SEPTIN7: variants seen among roughly 807,000 people sequenced by gnomAD.
SEPTIN7 encodes septin 7.
In SEPTIN7, 10 loss-of-function variants were observed where a neutral mutation model predicts 63.3. The ratio of observed to expected loss-of-function variants is 0.16; its 90% CI spans 0.10 to 0.27. The LOEUF is 0.27. Among genes scored for constraint, SEPTIN7 ranks in the 10% least tolerant of loss-of-function variants. The pLI, the probability that SEPTIN7 is intolerant of heterozygous loss-of-function variation, is 1.00. For synonymous variants in SEPTIN7, 131 were observed against 165.3 expected (o/e 0.79, Z 1.59); for missense variants, 310 against 521.0 (o/e 0.59, Z 3.94).
chr7:35,850,968 C>G (rs546707629), intron 3 of SEPTIN7, among the ~76,000 whole-genome samples: 5 of 152,238 alleles, frequency 3.3e-5, no homozygotes, highest in African/African-American at 1.2e-4. Flanking sequence ...CAGGACTTCT[C>G]AGATTCTTTT....
chr7:35,879,781 C>A, intron 6 of SEPTIN7, 42 bp from the exon 7 acceptor site: 1 of 1,116,594 alleles, frequency 9.0e-7, no homozygotes, highest in Non-Finnish European at 1.3e-6. Flanking sequence ...CTTGTTCTCC[C>A]AAACTGATCA....
intron 1 of SEPTIN7, among the ~76,000 whole-genome samples, chr7:35,814,832 G>A (rs1409276585): frequency 3.3e-5 from 5 of 151,952 alleles, no homozygotes; most frequent in African/African-American, 7.3e-5. Context: ...AGAATTAGCC[G>A]GGCATGGTAG....
At chr7:35,859,016 T>C (rs1340541147) in intron 3 of SEPTIN7, among the ~76,000 whole-genome samples, 1 of 152,176 alleles carries the variant, frequency 6.6e-6, no homozygotes, top group Non-Finnish European at 1.5e-5. Context: ...TTATCTCCGC[T>C]CTAATCTTTG....
chr7:35,872,156 A>G (rs534357367), intron 4 of SEPTIN7, among the ~76,000 whole-genome samples: 1 of 152,294 alleles, frequency 6.6e-6, no homozygotes, highest in East Asian at 1.9e-4. Flanking sequence ...ATGCTGAGAA[A>G]GATTAAGGAA....
intron 1 of SEPTIN7, among the ~76,000 whole-genome samples, chr7:35,827,743 G>A (rs1220458779): frequency 4.6e-5 from 7 of 152,062 alleles, no homozygotes; most frequent in Admixed American, 1.3e-4. Context: ...TGCCTGCCTC[G>A]GTCTCCCAAA....
Position 35,906,745 on chromosome 7 carries a change from A to G in SEPTIN7, c.*2452A>G, listed in dbSNP as rs541741913. ...AATCTTGAAAGCTGAGGAGATACCC[A>G]TGCCTCTCAGACTCATTAGCTGGGT... On this transcript the variant is annotated 3_prime_UTR_variant, in exon 14 of 14. Transcript: ENST00000350320. The G allele has an allele frequency of 1.3e-5, 2 of 152,216 alleles. No individual in the cohort carries two copies. Among genetic ancestry groups the G allele is most frequent in the African/African-American group, 4.8e-5 (2 of 41,446 alleles). The allele number at this position is 152,216 out of a possible 1,614,324, so 9.4% of individuals were successfully genotyped here.
chr7:35,892,276 T>C (rs1373603730), intron 11 of SEPTIN7, among the ~76,000 whole-genome samples: 1 of 152,156 alleles, frequency 6.6e-6, no homozygotes, highest in Non-Finnish European at 1.5e-5. Context: ...TTCTTAAATA[T>C]TTAAAATACA....
intron 3 of SEPTIN7, among the ~76,000 whole-genome samples, chr7:35,838,168 A>G (rs539817231): frequency 1.3e-5 from 2 of 151,894 alleles, no homozygotes; most frequent in Admixed American, 1.3e-4. Flanking sequence ...GTTGGTAGGC[A>G]TTGACATTTT....
At chr7:35,875,770 T>TATACATAC (rs144950029) in intron 6 of SEPTIN7, among the ~76,000 whole-genome samples, 2 of 152,066 alleles carry the variant, frequency 1.3e-5, no homozygotes, top group East Asian at 1.9e-4. Context: ...TTTTTTCTCT[T>TATACATAC]ATACATACAT....
chr7:35,869,735 T>C (rs1486856060), intron 4 of SEPTIN7, among the ~76,000 whole-genome samples: 3 of 152,172 alleles, frequency 2.0e-5, no homozygotes, highest in Non-Finnish European at 4.4e-5. Flanking sequence ...TATTAGAAAA[T>C]GAGTACCTTG....
At chr7:35,889,106 A>G (rs561947577) in intron 10 of SEPTIN7, among the ~76,000 whole-genome samples, 3 of 152,198 alleles carry the variant, frequency 2.0e-5, no homozygotes, top group Admixed American at 1.3e-4. Context: ...ATGAATGACA[A>G]CCAAGGAGGA....
chr7:35,829,959 G>A (rs534380271), intron 1 of SEPTIN7, among the ~76,000 whole-genome samples: 9 of 152,204 alleles, frequency 5.9e-5, no homozygotes, highest in South Asian at 2.1e-4. Flanking sequence ...AGGCCAAGGC[G>A]GGTGGATCAT....
chr7:35,872,798 T>C lies in SEPTIN7; in HGVS notation c.377+32T>C, dbSNP rs568971796. The C allele has an allele frequency of 1.5e-5, 21 of 1,445,680 alleles. No homozygotes were observed. The South Asian group carries it at 2.3e-4, about 16-fold the overall frequency. 89.6% of individuals were successfully genotyped at this position (1,445,680 alleles called of 1,614,324 possible). On this transcript the variant is annotated intron_variant, in intron 5 of 13. Coordinates refer to ENST00000350320, the MANE Select transcript of SEPTIN7 (RefSeq NM_001788.6). ...AGGGTTTGTCCTCACAACTTTGCAGTGCATTTGGGGTACTGGGGTGGTTAA... is the reference window on the plus strand; with the variant it reads ...AGGGTTTGTCCTCACAACTTTGCAGCGCATTTGGGGTACTGGGGTGGTTAA...
chr7:35,858,134 A>G (rs902807304), intron 3 of SEPTIN7, among the ~76,000 whole-genome samples: 8 of 151,786 alleles, frequency 5.3e-5, no homozygotes, highest in Admixed American at 2.6e-4. Context: ...TAATAGAGAC[A>G]GGGTTTTGCC....
intron 12 of SEPTIN7, chr7:35,901,256 G>A (rs1788303088): frequency 6.6e-6 from 1 of 152,110 alleles, no homozygotes; most frequent in Admixed American, 6.6e-5. Context: ...AATTAACTTA[G>A]TATGCCAGCA....
intron 1 of SEPTIN7, among the ~76,000 whole-genome samples, chr7:35,810,961 G>A (rs545513841): frequency 1.1e-4 from 16 of 151,850 alleles, no homozygotes; most frequent in Middle Eastern, 3.4e-3. Flanking sequence ...TAGAGACGGG[G>A]TTTCACCATG....
intron 1 of SEPTIN7, among the ~76,000 whole-genome samples, chr7:35,809,818 T>A (rs1241726896): frequency 1.3e-5 from 2 of 152,234 alleles, no homozygotes; most frequent in African/African-American, 4.8e-5. Flanking sequence ...AGAATCGTGA[T>A]GATAATTCTC....
intron 11 of SEPTIN7, among the ~76,000 whole-genome samples, chr7:35,891,809 T>C (rs560999017): frequency 2.6e-5 from 4 of 152,340 alleles, no homozygotes; most frequent in Non-Finnish European, 4.4e-5. Context: ...AAAAAACTTT[T>C]TGGTTCTTTT....
At position 35,832,991 on chromosome 7, in the gene SEPTIN7, A is replaced by G. The variant is rs570081581; in HGVS notation, c.169+91A>G. 2.1e-5 allele frequency: 16 copies of G among 751,900 alleles called. No individual in the cohort carries two copies. In the Admixed American group the frequency reaches 2.2e-4, roughly 10 times the overall value. 46.6% of individuals were successfully genotyped at this position (751,900 alleles called of 1,614,324 possible). A position where few individuals can be genotyped will look rare whatever the true frequency, so the allele number is the denominator to read the frequency against. On this transcript the variant is annotated intron_variant, in intron 3 of 13. Coordinates refer to ENST00000350320, the MANE Select transcript of SEPTIN7 (RefSeq NM_001788.6). ...TAGATTTAAGAAAACACTGGCACAG[A>G]TATCTACAGTGATCATATCTTTGTT...
Sources: gnomAD v4.1 joint callset for allele counts (sites outside exome capture counted in the v4.1 genomes callset) on GRCh38, gnomAD v4.1.1 for gene constraint, MANE v1.5 for transcripts, NCBI Gene and HGNC (gene_info 2026-07-23, HGNC 2026-07-21) for gene names.